The following DHRS7B variants were observed in gnomAD, a reference collection of about 807,000 sequenced individuals.
The protein encoded by DHRS7B is dehydrogenase/reductase 7B.
DHRS7B carries 24 observed loss-of-function variants against 26.4 expected under a neutral mutation model. The observed-to-expected ratio is 0.91, with a 90% confidence interval of 0.66 to 1.28. The LOEUF (loss-of-function observed/expected upper bound fraction) is 1.28. Among genes scored for constraint, DHRS7B ranks in the 50% most tolerant of loss-of-function variants. DHRS7B has a pLI of 0.00. For missense variants in DHRS7B, 368 were observed against 419.4 expected, an observed-to-expected ratio of 0.88 and a Z score of 1.07; for synonymous variants, 142 against 166.4, an observed-to-expected ratio of 0.85 and a Z score of 1.13.
At chr17:21,142,971 CA>C (rs1178678189) in intron 1 of DHRS7B, among the ~76,000 whole-genome samples, 3 of 152,202 alleles carry the variant, frequency 2.0e-5, no homozygotes, top group African/African-American at 7.2e-5. Context: ...CTATGTTGCC[CA>C]GACTGGAGTG....
intron 1 of DHRS7B, chr17:21,171,707 C>T: frequency 2.1e-6 from 1 of 476,560 alleles, no homozygotes; most frequent in Middle Eastern, 6.1e-4. Flanking sequence ...TGAGTACTGA[C>T]ACACCACCTC....
At chr17:21,130,638 ATC>A (rs1433417377) in intron 1 of DHRS7B, among the ~76,000 whole-genome samples, 1 of 151,892 alleles carries the variant, frequency 6.6e-6, no homozygotes, top group Non-Finnish European at 1.5e-5. Flanking sequence ...AGGAGAGAAG[ATC>A]TCTTTCCCTT....
intron 1 of DHRS7B, chr17:21,166,453 A>G (rs111965475): frequency 3.0e-6 from 3 of 985,264 alleles, no homozygotes; most frequent in African/African-American, 1.7e-5. Flanking sequence ...CGCCACTGGC[A>G]AGGTAGCTGC....
chr17:21,161,861 G>A (rs1257549275), intron 1 of DHRS7B, among the ~76,000 whole-genome samples: 3 of 152,108 alleles, frequency 2.0e-5, no homozygotes, highest in Admixed American at 2.0e-4. Context: ...TTCCCAGTCA[G>A]TTCTTCCCAC....
intron 1 of DHRS7B, chr17:21,166,027 C>A: frequency 5.7e-6 from 2 of 352,462 alleles, no homozygotes; most frequent in Non-Finnish European, 7.9e-6. Context: ...CCATAATGAA[C>A]AGACAGACTT....
At chr17:21,141,274 A>G (rs866679564) in intron 1 of DHRS7B, among the ~76,000 whole-genome samples, 1 of 152,172 alleles carries the variant, frequency 6.6e-6, no homozygotes, top group African/African-American at 2.4e-5. Context: ...TCAACTGACA[A>G]AACTCAGTCT....
rs1238157943 is a variant in DHRS7B, at chr17:21,184,298, G to A, written c.527-73G>A. 9 of 1,330,468 alleles carry A rather than the reference G, an allele frequency of 6.8e-6. No individual in the cohort carries two copies. In the East Asian group the frequency reaches 1.6e-4, roughly 24 times the overall value. 82.4% of individuals were successfully genotyped at this position (1,330,468 alleles called of 1,614,324 possible). On this transcript the variant is annotated intron_variant, in intron 4 of 6. Transcript: ENST00000395511. ...ATTCTGACTAAATATCAAAAGCAAG[G>A]TCGCCTTCCATCAGCATCGGGTGCA...
At chr17:21,143,873 T>A (rs1270224502) in intron 1 of DHRS7B, among the ~76,000 whole-genome samples, 1 of 152,240 alleles carries the variant, frequency 6.6e-6, no homozygotes, top group Non-Finnish European at 1.5e-5. Context: ...AAGTGTTTGC[T>A]CTTTTTCACA....
At chr17:21,185,211 C>T (rs1269938371) in intron 5 of DHRS7B, among the ~76,000 whole-genome samples, 5 of 152,200 alleles carry the variant, frequency 3.3e-5, no homozygotes, top group East Asian at 1.9e-4. Flanking sequence ...CATCATCTCC[C>T]GAAAGGAAAT....
At chr17:21,132,529 T>C (rs1377531431) in intron 1 of DHRS7B, among the ~76,000 whole-genome samples, 1 of 32,314 alleles carries the variant, frequency 3.1e-5, no homozygotes, top group African/African-American at 8.7e-5. Flanking sequence ...AGACCTTGTC[T>C]CAAAAAAAAA....
intron 1 of DHRS7B, 60 bp from the exon 2 acceptor site, chr17:21,171,958 A>G (rs2144127642): frequency 6.3e-7 from 1 of 1,599,756 alleles, no homozygotes; most frequent in Non-Finnish European, 8.6e-7. Context: ...GGAAGAGCCT[A>G]GGAAAGTCCC....
chr17:21,136,938 G>A (rs1225971933), intron 1 of DHRS7B, among the ~76,000 whole-genome samples: 1 of 151,260 alleles, frequency 6.6e-6, no homozygotes, highest in African/African-American at 2.4e-5. Flanking sequence ...TCATATTAAA[G>A]TTTTTTGGCT....
chr17:21,146,063 G>C (rs1973636723), intron 1 of DHRS7B, among the ~76,000 whole-genome samples: 1 of 152,168 alleles, frequency 6.6e-6, no homozygotes, highest in African/African-American at 2.4e-5. Flanking sequence ...TAACCCAGCA[G>C]TTGTGGTAAT....
chr17:21,161,892 G>A (rs1242635434), intron 1 of DHRS7B, among the ~76,000 whole-genome samples: 3 of 152,044 alleles, frequency 2.0e-5, no homozygotes, highest in African/African-American at 7.2e-5. Flanking sequence ...CCTCCTCTGT[G>A]TTTGCTGGCA....
chr17:21,185,527 G>C (rs192544658), intron 5 of DHRS7B, among the ~76,000 whole-genome samples: 5 of 152,254 alleles, frequency 3.3e-5, no homozygotes, highest in Admixed American at 3.3e-4. Context: ...ATACATGCTT[G>C]TACATGCATG....
At chr17:21,179,722 A>ATT (rs1377148508) in intron 3 of DHRS7B, among the ~76,000 whole-genome samples, 2 of 148,838 alleles carry the variant, frequency 1.3e-5, no homozygotes, top group East Asian at 3.9e-4. Context: ...AAGATATGTG[A>ATT]TTTGCAAATA....
At chr17:21,145,542 T>G (rs906629489) in intron 1 of DHRS7B, among the ~76,000 whole-genome samples, 4 of 152,228 alleles carry the variant, frequency 2.6e-5, no homozygotes, top group Non-Finnish European at 5.9e-5. Flanking sequence ...TCACTTCATT[T>G]TCCATTGCTG....
At chr17:21,134,933 G>A (rs914184678) in intron 1 of DHRS7B, among the ~76,000 whole-genome samples, 4 of 152,106 alleles carry the variant, frequency 2.6e-5, no homozygotes, top group Middle Eastern at 3.2e-3. Context: ...TTAGCTCTCC[G>A]TGAGTCCTGG....
intron 1 of DHRS7B, among the ~76,000 whole-genome samples, chr17:21,149,318 A>G (rs937598949): frequency 7.9e-5 from 12 of 152,238 alleles, no homozygotes; most frequent in Non-Finnish European, 1.3e-4. Context: ...CAAAGTTGAG[A>G]GAATTTACCG....
Sources: allele counts gnomAD v4.1 joint callset (sites outside exome capture counted in the v4.1 genomes callset), GRCh38; gene constraint gnomAD v4.1.1; transcripts MANE v1.5; gene names NCBI Gene and HGNC (gene_info 2026-07-23, HGNC 2026-07-21).